ITGB3BP: variants seen among roughly 807,000 people sequenced by gnomAD.
The protein encoded by ITGB3BP is integrin subunit beta 3 binding protein, also known as centromere protein R.
Under a neutral mutation model 29.1 loss-of-function variants are expected in ITGB3BP, and 27 were observed. The ratio of observed to expected loss-of-function variants is 0.93; its 90% CI spans 0.68 to 1.28. ITGB3BP has a LOEUF of 1.28. Among genes scored for constraint, ITGB3BP ranks in the 50% most tolerant of loss-of-function variants. ITGB3BP has a pLI of 0.00. For synonymous variants in ITGB3BP, 61 were observed against 61.4 expected, an observed-to-expected ratio of 0.99 and a Z score of 0.03; for missense variants, 192 against 200.2, an observed-to-expected ratio of 0.96 and a Z score of 0.25.
intron 2 of ITGB3BP, among the ~76,000 whole-genome samples, chr1:63,493,495 A>C (rs1403678472): frequency 6.6e-6 from 1 of 152,140 alleles, no homozygotes; most frequent in African/African-American, 2.4e-5. Context: ...GAGTTATTTA[A>C]CACCATTTCT....
chr1:63,473,042 C>T lies in ITGB3BP; in HGVS notation c.254+5722G>A, dbSNP rs576028346. ...TCTAGGAAGCGAGGAGCGCCTCTTC[C>T]CCACCGCCATCCCATCTAGGAAGTG... On this transcript the variant is annotated intron_variant, in intron 4 of 8. Transcript: ENST00000271002. Among the ~76,000 whole-genome samples the T allele has an allele frequency of 1.3e-4, 19 of 151,980 alleles. No homozygotes were observed. In the East Asian group the frequency reaches 3.7e-3, roughly 30 times the overall value.
At chr1:63,522,896 G>A (rs1646489274) in intron 1 of ITGB3BP, 1 of 703,710 alleles carries the variant, frequency 1.4e-6, no homozygotes, top group African/African-American at 1.7e-5. Context: ...CACAGTTTAC[G>A]AAATCTGTCA....
intron 3 of ITGB3BP, among the ~76,000 whole-genome samples, chr1:63,481,603 T>C (rs1256766775): frequency 1.3e-5 from 2 of 152,212 alleles, no homozygotes; most frequent in African/African-American, 4.8e-5. Flanking sequence ...TGGTGATAAA[T>C]GTACCATCAC....
intron 4 of ITGB3BP, among the ~76,000 whole-genome samples, chr1:63,461,172 T>A (rs1375932847): frequency 1.4e-5 from 2 of 142,262 alleles, no homozygotes; most frequent in African/African-American, 2.6e-5. Context: ...GAGAATGGCG[T>A]GAACCCGGGA....
intron 7 of ITGB3BP, among the ~76,000 whole-genome samples, chr1:63,449,034 A>G (rs1644826823): frequency 6.6e-6 from 1 of 152,198 alleles, no homozygotes; most frequent in Non-Finnish European, 1.5e-5. Context: ...AGAACTGTTT[A>G]AATGTTATTT....
intron 7 of ITGB3BP, 84 bp from the exon 8 acceptor site, chr1:63,446,940 A>G (rs113924339): frequency 3.0e-6 from 3 of 985,218 alleles, no homozygotes; most frequent in Non-Finnish European, 3.1e-6. Flanking sequence ...TAAATGTTGA[A>G]GCAAAATGAA....
At chr1:63,473,187 A>G (rs1356422219) in intron 4 of ITGB3BP, among the ~76,000 whole-genome samples, 1 of 150,048 alleles carries the variant, frequency 6.7e-6, no homozygotes, top group Non-Finnish European at 1.5e-5. Context: ...GGAGGTGAGG[A>G]GCGTCTCTGC....
intron 2 of ITGB3BP, among the ~76,000 whole-genome samples, chr1:63,507,629 AC>A (rs1646109674): frequency 1.3e-5 from 2 of 152,244 alleles, no homozygotes; most frequent in Admixed American, 1.3e-4. Context: ...TGCTAATTAT[AC>A]TGTTAATGAT....
chr1:63,444,884 T>C (rs1327652783), intron 8 of ITGB3BP, among the ~76,000 whole-genome samples: 3 of 152,006 alleles, frequency 2.0e-5, no homozygotes, highest in Non-Finnish European at 2.9e-5. Flanking sequence ...TGTGCCTCAA[T>C]TGCCTTACCT....
chr1:63,473,777 CCCGT>C (rs1207427927), intron 4 of ITGB3BP, among the ~76,000 whole-genome samples: 18 of 54,332 alleles, frequency 3.3e-4, no homozygotes, highest in East Asian at 7.8e-4. Context: ...GGCCAGCCGC[CCCGT>C]CCGGGAGGGA....
chr1:63,521,273 A>AC (rs397939603), intron 1 of ITGB3BP, among the ~76,000 whole-genome samples: 1 of 151,816 alleles, frequency 6.6e-6, no homozygotes, highest in Non-Finnish European at 1.5e-5. Flanking sequence ...AAAAAAAAAA[A>AC]CACTTAATTT....
chr1:63,478,416 G>A (rs531904655), intron 4 of ITGB3BP, among the ~76,000 whole-genome samples: 4 of 152,288 alleles, frequency 2.6e-5, no homozygotes, highest in Admixed American at 2.0e-4. Flanking sequence ...GCTCCATCCT[G>A]AACCAGCTAT....
intron 4 of ITGB3BP, among the ~76,000 whole-genome samples, chr1:63,475,024 G>A (rs576799930): frequency 6.6e-6 from 1 of 152,188 alleles, no homozygotes; most frequent in African/African-American, 2.4e-5. Flanking sequence ...GCTTAGGCTG[G>A]AGAGTAGTGA....
At chr1:63,446,942 C>T in intron 7 of ITGB3BP, 86 bp from the exon 8 acceptor site, 1 of 973,028 alleles carries the variant, frequency 1.0e-6, no homozygotes, top group South Asian at 1.4e-5. Context: ...AATGTTGAAG[C>T]AAAATGAAAT....
At chr1:63,505,764 A>G (rs562192708) in intron 2 of ITGB3BP, among the ~76,000 whole-genome samples, 2 of 152,006 alleles carry the variant, frequency 1.3e-5, no homozygotes, top group Admixed American at 6.6e-5. Flanking sequence ...CCTTCATTTC[A>G]TTATATACCC....
intron 1 of ITGB3BP, among the ~76,000 whole-genome samples, chr1:63,518,613 T>C (rs1342630669): frequency 6.6e-6 from 1 of 151,826 alleles, no homozygotes; most frequent in African/African-American, 2.4e-5. Context: ...ACTTTCAACT[T>C]TGTTGCTTAT....
chr1:63,507,544 A>T (rs2100769276), intron 2 of ITGB3BP, among the ~76,000 whole-genome samples: 1 of 152,322 alleles, frequency 6.6e-6, no homozygotes, highest in African/African-American at 2.4e-5. Context: ...AACCATTCTG[A>T]CCAAAGAAAC....
At chr1:63,473,528 T>G (rs1410952889) in intron 4 of ITGB3BP, among the ~76,000 whole-genome samples, 5 of 107,464 alleles carry the variant, frequency 4.7e-5, no homozygotes, top group African/African-American at 1.1e-4. Flanking sequence ...AGGTGGGGGG[T>G]CAGCCCCCCG....
chr1:63,506,477 T>C (rs1220716161), intron 2 of ITGB3BP, among the ~76,000 whole-genome samples: 1 of 152,124 alleles, frequency 6.6e-6, no homozygotes, highest in Non-Finnish European at 1.5e-5. Flanking sequence ...ACCACCCCCA[T>C]GATCCAAATT....
Sources: allele counts gnomAD v4.1 joint callset (sites outside exome capture counted in the v4.1 genomes callset), GRCh38; gene constraint gnomAD v4.1.1; transcripts MANE v1.5; gene names NCBI Gene and HGNC (gene_info 2026-07-23, HGNC 2026-07-21).